The following DACH1 variants were observed in gnomAD, a reference collection of about 807,000 sequenced individuals.
DACH1 encodes the protein dachshund family transcription factor 1, also known as dachshund homolog 1.
A neutral mutation model predicts 54.2 loss-of-function variants in DACH1; 12 were observed. The ratio of observed to expected loss-of-function variants is 0.22; its 90% CI spans 0.14 to 0.36. The LOEUF (loss-of-function observed/expected upper bound fraction) is 0.36, where lower values mean the gene tolerates loss of function less well. Among genes scored for constraint, DACH1 ranks in the 10% least tolerant of loss-of-function variants. The pLI is 1.00. For missense variants in DACH1, 805 were observed against 929.8 expected, an observed-to-expected ratio of 0.87 and a Z score of 1.75; for synonymous variants, 386 against 366.2, an observed-to-expected ratio of 1.05 and a Z score of -0.62.
intron 1 of DACH1, among the ~76,000 whole-genome samples, chr13:71,854,357 G>T (rs1271697677): frequency 4.6e-5 from 7 of 152,028 alleles, no homozygotes; most frequent in Non-Finnish European, 8.8e-5. Flanking sequence ...GATGACAAGG[G>T]TATGTAAGAA....
Position 71,630,701 on chromosome 13 carries a change from A to G in DACH1, c.981T>C (p.Ala327=). 1 of 1,585,574 alleles carries G rather than the reference A, an allele frequency of 6.3e-7. No individual in the cohort carries two copies. The part of the protein sequence containing the change: ...IIPPTGLTAA[A]AAAAAATNAA... ...CATTGGTAGCAGCAGCAGCTGCTGC[A>G]GCGGCTGCTGTCAGACCTTAAAAGA... Residue 327 remains alanine (A), a synonymous_variant, in exon 3 of 11, where the codon GCT becomes GCC. Transcript: ENST00000613252.
intron 3 of DACH1, among the ~76,000 whole-genome samples, chr13:71,573,988 A>G (rs915204284): frequency 6.6e-6 from 1 of 152,208 alleles, no homozygotes; most frequent in Non-Finnish European, 1.5e-5. Context: ...ATTACACAGC[A>G]AATCCAAAAA....
chr13:71,449,352 A>C (rs770841656), intron 10 of DACH1, among the ~76,000 whole-genome samples: 27 of 152,118 alleles, frequency 1.8e-4, no homozygotes, highest in Non-Finnish European at 3.7e-4. Flanking sequence ...AAGAAAAGAA[A>C]TAGGTAATGA....
intron 1 of DACH1, among the ~76,000 whole-genome samples, chr13:71,762,605 A>G (rs759115291): frequency 3.3e-4 from 50 of 151,864 alleles, no homozygotes; most frequent in Non-Finnish European, 6.3e-4. Context: ...CGTCTCTATT[A>G]AAAACACAAA....
chr13:71,605,445 T>C (rs1207177488), intron 3 of DACH1, among the ~76,000 whole-genome samples: 1 of 151,764 alleles, frequency 6.6e-6, no homozygotes, highest in East Asian at 1.9e-4. Context: ...ATAAGATCAC[T>C]TGGTTTAGTG....
intron 3 of DACH1, among the ~76,000 whole-genome samples, chr13:71,590,991 T>C (rs1873673763): frequency 2.8e-5 from 4 of 143,616 alleles, no homozygotes; most frequent in Admixed American, 1.4e-4. Context: ...CTATTCTCCC[T>C]CCTCTACCTC....
At chr13:71,711,466 T>C (rs939361237) in intron 1 of DACH1, among the ~76,000 whole-genome samples, 1 of 152,160 alleles carries the variant, frequency 6.6e-6, no homozygotes, top group Non-Finnish European at 1.5e-5. Context: ...AGTCATAAAC[T>C]ACTTTTTATC....
In DACH1 at chr13:71,438,981, T is replaced by C. The variant is rs552987115; in HGVS notation, c.*1674A>G. ...TGAACTTAGCTGGCTAATAGTGAGC[T>C]ACACAAAAGAATTATGTTCCAGTAT... On this transcript the variant is annotated 3_prime_UTR_variant, in exon 11 of 11. Transcript: ENST00000613252. 15 of 152,522 alleles carry C rather than the reference T, an allele frequency of 9.8e-5. No individual in the cohort carries two copies. The highest frequency in any genetic ancestry group is 3.6e-4 in the African/African-American group (15 of 41,560). 9.4% of individuals were successfully genotyped at this position (152,522 alleles called of 1,614,324 possible). A position where few individuals can be genotyped will look rare whatever the true frequency, so the allele number is the denominator to read the frequency against.
chr13:71,573,494 G>A (rs1200028860), intron 3 of DACH1: 3 of 712,332 alleles, frequency 4.2e-6, no homozygotes, highest in African/African-American at 3.5e-5. Context: ...CAGGCATGCG[G>A]GGGTGGGTTA....
Position 71,519,899 on chromosome 13 carries a change from A to G in DACH1, c.1571-30751T>C, listed in dbSNP as rs1348164923. On this transcript the variant is annotated intron_variant, in intron 6 of 10. Transcript: ENST00000613252. ...ACCAAAGTAGTATATATATATATAT[A>G]TATATATATCCTAACTAACATAGCA... 4.3e-4 allele frequency among the ~76,000 whole-genome samples: 57 copies of G among 133,466 alleles called. 5 individuals are homozygous for G. The highest frequency in any genetic ancestry group is 4.0e-3 in the Admixed American group (52 of 13,126). The allele number at this position is 133,466 out of a possible 152,430, so 87.6% of individuals were successfully genotyped here.
chr13:71,746,921 TGATA>T (rs1362181044), intron 1 of DACH1, among the ~76,000 whole-genome samples: 1 of 152,174 alleles, frequency 6.6e-6, no homozygotes, highest in Non-Finnish European at 1.5e-5. Flanking sequence ...ATATTCAGCT[TGATA>T]GAGTACACAT....
intron 1 of DACH1, among the ~76,000 whole-genome samples, chr13:71,859,371 C>T (rs562436074): frequency 1.6e-4 from 24 of 151,776 alleles, no homozygotes; most frequent in African/African-American, 5.1e-4. Context: ...GTTCAAGGTC[C>T]TTGACTTTGG....
At chr13:71,798,465 T>C (rs978353236) in intron 1 of DACH1, among the ~76,000 whole-genome samples, 1 of 151,274 alleles carries the variant, frequency 6.6e-6, no homozygotes. Flanking sequence ...GTATTTTCCA[T>C]AATTTCGTCT....
At chr13:71,571,629 G>C (rs928402039) in intron 4 of DACH1, among the ~76,000 whole-genome samples, 1 of 151,804 alleles carries the variant, frequency 6.6e-6, no homozygotes, top group Non-Finnish European at 1.5e-5. Flanking sequence ...TACAGAAAAT[G>C]ACCAAAGCAT....
At chr13:71,470,231 T>G (rs956956916) in intron 10 of DACH1, among the ~76,000 whole-genome samples, 1 of 152,074 alleles carries the variant, frequency 6.6e-6, no homozygotes, top group African/African-American at 2.4e-5. Flanking sequence ...AAGTTAAAAA[T>G]GCAAACGAAG....
chr13:71,473,588 G>A (rs561030368), intron 10 of DACH1, among the ~76,000 whole-genome samples: 1 of 152,194 alleles, frequency 6.6e-6, no homozygotes, highest in East Asian at 1.9e-4. Flanking sequence ...GTTGTTATGG[G>A]TGGCATACAT....
intron 6 of DACH1, among the ~76,000 whole-genome samples, chr13:71,541,894 C>T (rs559112816): frequency 2.1e-5 from 3 of 144,798 alleles, no homozygotes; most frequent in South Asian, 4.5e-4. Flanking sequence ...AAATTATTGA[C>T]ATTTGTGGAA....
At chr13:71,631,640 C>A (rs1001176056) in intron 2 of DACH1, among the ~76,000 whole-genome samples, 20 of 152,162 alleles carry the variant, frequency 1.3e-4, no homozygotes, top group African/African-American at 4.6e-4. Flanking sequence ...TGATTGATCA[C>A]TATTATCCTT....
chr13:71,472,934 GA>G (rs1566279896), intron 10 of DACH1, among the ~76,000 whole-genome samples: 2 of 152,054 alleles, frequency 1.3e-5, no homozygotes, highest in African/African-American at 2.4e-5. Context: ...TCTGAGGTTA[GA>G]AAAAAATTTC....
Sources: gnomAD v4.1 joint callset for allele counts (sites outside exome capture counted in the v4.1 genomes callset) on GRCh38, gnomAD v4.1.1 for gene constraint, MANE v1.5 for transcripts, NCBI Gene and HGNC (gene_info 2026-07-23, HGNC 2026-07-21) for gene names.